The following SLC7A2 variants were observed in gnomAD, a reference collection of about 807,000 sequenced individuals.
SLC7A2 encodes cationic amino acid transporter 2.
A neutral mutation model predicts 58.9 loss-of-function variants in SLC7A2; 48 were observed. That is an observed-to-expected ratio of 0.82 (90% confidence interval 0.65 to 1.04). The LOEUF (loss-of-function observed/expected upper bound fraction) is 1.04. Ranked by LOEUF, SLC7A2 falls within the 50% of genes least tolerant of loss-of-function variation. SLC7A2 has a pLI of 0.00. For missense variants in SLC7A2, 1,029 were observed against 818.8 expected, an observed-to-expected ratio of 1.26 and a Z score of -3.13; for synonymous variants, 363 against 314.5, an observed-to-expected ratio of 1.15 and a Z score of -1.63.
chr8:17,533,103 C>A (rs976676196), intron 2 of SLC7A2, among the ~76,000 whole-genome samples: 6 of 152,192 alleles, frequency 3.9e-5, no homozygotes, highest in Non-Finnish European at 7.4e-5. Context: ...CATGAAGAAC[C>A]AGCACCCTTT....
intron 6 of SLC7A2, among the ~76,000 whole-genome samples, chr8:17,550,743 A>G (rs1177559830): frequency 2.0e-5 from 3 of 152,236 alleles, no homozygotes; most frequent in Admixed American, 1.3e-4. Context: ...AGTCATTATT[A>G]CCATCCCTAA....
Position 17,514,247 on chromosome 8 carries a change from C to T in SLC7A2, c.-23+11945C>T, listed in dbSNP as rs573407660. 2.6e-5 allele frequency among the ~76,000 whole-genome samples: 4 copies of T among 151,716 alleles called. No individual in the cohort carries two copies. In the East Asian group the frequency reaches 5.8e-4, roughly 22 times the overall value. On this transcript the variant is annotated intron_variant, in intron 2 of 12. Coordinates refer to ENST00000494857, the MANE Select transcript of SLC7A2 (RefSeq NM_001370338.1). ...AGGGGTGGTGGCAAACTGTGTTAAA[C>T]CAAAGAGGAATCAATTAAAAAAAAA... is the stretch of plus-strand genomic sequence containing the variant.
intron 4 of SLC7A2, among the ~76,000 whole-genome samples, chr8:17,547,047 A>G (rs1802205305): frequency 6.6e-6 from 1 of 152,188 alleles, no homozygotes; most frequent in Admixed American, 6.5e-5. Context: ...TCTGTTGTAC[A>G]TGGCAGGTAG....
At chr8:17,544,898 G>C (rs1039144608) in intron 4 of SLC7A2, among the ~76,000 whole-genome samples, 1 of 152,192 alleles carries the variant, frequency 6.6e-6, no homozygotes, top group Admixed American at 6.5e-5. Flanking sequence ...AGGTTTGCAG[G>C]AATAGCGGTG....
chr8:17,530,627 C>G (rs527670996), intron 2 of SLC7A2, among the ~76,000 whole-genome samples: 7 of 150,570 alleles, frequency 4.6e-5, no homozygotes, highest in Non-Finnish European at 8.8e-5. Flanking sequence ...GCCTAGCATG[C>G]GGTGGTGCAA....
chr8:17,495,660 C>T (rs574674705), upstream of SLC7A2, among the ~76,000 whole-genome samples: 38 of 152,210 alleles, frequency 2.5e-4, no homozygotes, highest in Non-Finnish European at 5.3e-4. Context: ...AGCGATTCTC[C>T]TGCCTCAACC....
chr8:17,561,466 A>G (rs1266435975), intron 10 of SLC7A2, among the ~76,000 whole-genome samples: 1 of 152,318 alleles, frequency 6.6e-6, no homozygotes, highest in South Asian at 2.1e-4. Flanking sequence ...ATTATCTTGC[A>G]CTGGGTTCCT....
At chr8:17,562,178 GTATTTT>G (rs1563485876) in intron 11 of SLC7A2, 68 bp downstream of exon 11, 4 of 478,218 alleles carry the variant, frequency 8.4e-6, no homozygotes, top group Admixed American at 1.1e-4. Context: ...AGTTTGGTAA[GTATTTT>G]TTTTTTTTTT....
At chr8:17,554,950 C>T (rs1802622596) in intron 8 of SLC7A2, 7 of 1,613,890 alleles carry the variant, frequency 4.3e-6, no homozygotes, top group Non-Finnish European at 5.9e-6. Flanking sequence ...TTCTAGTCTT[C>T]TGGGCTCTAT....
At position 17,543,345 on chromosome 8, in the gene SLC7A2, T is replaced by G; in HGVS notation, c.6T>G (p.Ile2Met). Residue 2 changes from isoleucine to methionine, a missense_variant, in exon 3 of 13, where the codon ATT becomes ATG. Ile to Met is a conservative substitution (Grantham distance 10). Coordinates refer to ENST00000494857, the MANE Select transcript of SLC7A2 (RefSeq NM_001370338.1). Reference protein sequence around the residue: MIPCRAALTFAR... With the variant: MMPCRAALTFAR... ...CGCCTTCGTCAGACGTCAGAATGAT[T>G]CCTTGCAGAGCCGCGCTGACCTTTG... is the stretch of plus-strand genomic sequence containing the variant. 6.2e-7 allele frequency: 1 copy of G among 1,611,330 alleles called. No individual in the cohort carries two copies. Among genetic ancestry groups the G allele is most frequent in the Non-Finnish European group, 8.5e-7 (1 of 1,178,800 alleles).
intron 4 of SLC7A2, among the ~76,000 whole-genome samples, chr8:17,545,322 C>T (rs968807940): frequency 1.3e-5 from 2 of 151,758 alleles, no homozygotes; most frequent in South Asian, 2.1e-4. Context: ...TAAGCACTCA[C>T]GTGGTGGCTG....
At position 17,550,389 on chromosome 8, in the gene SLC7A2, A is replaced by G. The variant is rs759879718; in HGVS notation, c.787A>G (p.Thr263Ala). Residue 263 changes from threonine (T) to alanine (A), a missense_variant, in exon 6 of 13, where the codon ACT (threonine) becomes GCT (alanine). Transcript: ENST00000494857. ...GFTGTLAGAA[T>A]CFYAFVGFDC... ...TACGGGAACGTTGGCTGGTGCTGCA[A>G]CTTGCTTTTATGCCTTTGTGGGATT... 1 of 1,614,010 alleles carries G rather than the reference A, an allele frequency of 6.2e-7. No individual in the cohort carries two copies. The highest frequency in any genetic ancestry group is 8.5e-7 in the Non-Finnish European group (1 of 1,179,958).
intron 9 of SLC7A2, among the ~76,000 whole-genome samples, chr8:17,559,756 C>T (rs577592049): frequency 6.6e-6 from 1 of 152,066 alleles, no homozygotes; most frequent in Non-Finnish European, 1.5e-5. Flanking sequence ...ACAGCCAAAC[C>T]ATATCACGGC....
At chr8:17,502,510 T>C (rs1408362998) in intron 2 of SLC7A2, among the ~76,000 whole-genome samples, 1 of 152,212 alleles carries the variant, frequency 6.6e-6, no homozygotes, top group Non-Finnish European at 1.5e-5. Context: ...TGGACTTCAA[T>C]TCCTATAAGA....
At chr8:17,507,404 G>A (rs1208012504) in intron 2 of SLC7A2, among the ~76,000 whole-genome samples, 3 of 151,948 alleles carry the variant, frequency 2.0e-5, no homozygotes, top group African/African-American at 7.3e-5. Flanking sequence ...GTGGAGACGG[G>A]GGTCTCACTG....
At position 17,568,642 on chromosome 8, in the gene SLC7A2, C is replaced by T. The variant is rs1803375441; in HGVS notation, c.*3496C>T. On this transcript the variant is annotated 3_prime_UTR_variant, in exon 13 of 13. Transcript: ENST00000494857. ...TATTAGTCAAAATACTTTTTAAGTC[C>T]TGAGTGCTTACAGGTAGTTGTTAAA... 1 of 151,732 alleles carries T rather than the reference C, an allele frequency of 6.6e-6. No individual in the cohort carries two copies. The highest frequency in any genetic ancestry group is 2.4e-5 in the African/African-American group (1 of 41,310). The allele number at this position is 151,732 out of a possible 1,614,324, so 9.4% of individuals were successfully genotyped here.
chr8:17,554,630 T>G lies in SLC7A2; in HGVS notation c.1126T>G (p.Cys376Gly). Residue 376 changes from cysteine (C) to glycine (G), a missense_variant, in exon 8 of 13, where the codon TGT becomes GGT. Transcript: ENST00000494857. ...AMAEDGLLFK[C>G]LAQINSKTKT... Reference sequence around the variant, plus strand: ...GGCGGAGGATGGGTTGCTTTTCAAATGTCTAGCTCAAATCAATTCCAAAAC... The same window carrying G: ...GGCGGAGGATGGGTTGCTTTTCAAAGGTCTAGCTCAAATCAATTCCAAAAC... 2 of 1,613,606 alleles carry G rather than the reference T, an allele frequency of 1.2e-6. No homozygotes were observed. The highest frequency in any genetic ancestry group is 1.7e-6 in the Non-Finnish European group (2 of 1,179,888).
At chr8:17,523,504 A>G (rs1801099788) in intron 2 of SLC7A2, among the ~76,000 whole-genome samples, 1 of 152,196 alleles carries the variant, frequency 6.6e-6, no homozygotes, top group African/African-American at 2.4e-5. Context: ...ACATGGCATA[A>G]AGTGGGGAAA....
At chr8:17,552,543 ATAGAAATTAT>A in intron 7 of SLC7A2, among the ~76,000 whole-genome samples, 4 of 149,156 alleles carry the variant, frequency 2.7e-5, no homozygotes, top group East Asian at 2.0e-4. Context: ...TGGTCTAGAA[ATAGAAATTAT>A]CATTCTTAAA....
Sources: gnomAD v4.1 joint callset for allele counts (sites outside exome capture counted in the v4.1 genomes callset) on GRCh38, gnomAD v4.1.1 for gene constraint, MANE v1.5 for transcripts, NCBI Gene and HGNC (gene_info 2026-07-23, HGNC 2026-07-21) for gene names.